The following DENND1B variants were observed in gnomAD, a reference collection of about 807,000 sequenced individuals.
DENND1B encodes DENN domain containing 1B, also known as DENN domain-containing protein 1B.
DENND1B carries 59 observed loss-of-function variants against 90.1 expected under a neutral mutation model. The observed-to-expected ratio is 0.65, with a 90% CI of 0.53 to 0.81. DENND1B has a LOEUF of 0.81. Among genes scored for constraint, DENND1B ranks in the 40% least tolerant of loss-of-function variants. The pLI, the probability that DENND1B is intolerant of heterozygous loss-of-function variation, is 0.00. For missense variants in DENND1B, 862 were observed against 912.6 expected (o/e 0.94, Z 0.71); for synonymous variants, 337 against 324.6 (o/e 1.04, Z -0.41).
intron 14 of DENND1B, 39 bp from the exon 15 acceptor site, chr1:197,583,292 GT>G: frequency 6.3e-7 from 1 of 1,589,862 alleles, no homozygotes; most frequent in Non-Finnish European, 8.6e-7. Flanking sequence ...TCAATAAAAG[GT>G]TAGTCAGAGA....
intron 15 of DENND1B, among the ~76,000 whole-genome samples, chr1:197,557,819 C>T (rs978949466): frequency 1.3e-5 from 2 of 151,766 alleles, no homozygotes; most frequent in Non-Finnish European, 2.9e-5. Context: ...GGTTATACCA[C>T]TTTAATAACT....
At chr1:197,568,202 T>C (rs1217820797) in intron 15 of DENND1B, among the ~76,000 whole-genome samples, 1 of 152,108 alleles carries the variant, frequency 6.6e-6, no homozygotes, top group African/African-American at 2.4e-5. Context: ...GTAGCATTTG[T>C]ATACATTAAT....
At chr1:197,583,506 CTAAAAA>C (rs1033837512) in intron 14 of DENND1B, among the ~76,000 whole-genome samples, 1 of 152,076 alleles carries the variant, frequency 6.6e-6, no homozygotes, top group African/African-American at 2.4e-5. Context: ...AGTAAATCCC[CTAAAAA>C]TAAAGATTTG....
At chr1:197,552,460 T>G (rs1200321361) in intron 16 of DENND1B, 3 of 985,262 alleles carry the variant, frequency 3.0e-6, no homozygotes, top group Non-Finnish European at 3.6e-6. Context: ...ATAACAGTAT[T>G]TGAACATTTA....
chr1:197,718,639 A>G (rs1660869061), intron 2 of DENND1B, among the ~76,000 whole-genome samples: 1 of 152,110 alleles, frequency 6.6e-6, no homozygotes, highest in Non-Finnish European at 1.5e-5. Flanking sequence ...AGGAAATATA[A>G]TTTAGAGAGT....
intron 10 of DENND1B, among the ~76,000 whole-genome samples, chr1:197,629,527 T>C (rs1214456803): frequency 1.7e-5 from 1 of 57,222 alleles, no homozygotes; most frequent in African/African-American, 7.2e-5. Flanking sequence ...GGGACTGTTG[T>C]GGGGTCGGGG....
intron 10 of DENND1B, among the ~76,000 whole-genome samples, chr1:197,628,919 T>A (rs903774289): frequency 6.6e-5 from 10 of 151,806 alleles, no homozygotes; most frequent in African/African-American, 2.4e-4. Context: ...AAAAAACACA[T>A]GAAAAAATGC....
chr1:197,539,761 A>G (rs1670191700), intron 20 of DENND1B, among the ~76,000 whole-genome samples: 1 of 152,182 alleles, frequency 6.6e-6, no homozygotes, highest in African/African-American at 2.4e-5. Context: ...GGGCTAACAA[A>G]GCATGTAGAG....
chr1:197,544,856 GA>G (rs1670622387), intron 18 of DENND1B, among the ~76,000 whole-genome samples: 2 of 126,960 alleles, frequency 1.6e-5, no homozygotes, highest in Non-Finnish European at 3.5e-5. Flanking sequence ...AGAGGAAGAA[GA>G]GGAAGGAGGA....
chr1:197,656,355 G>A (rs1653824140), intron 6 of DENND1B, among the ~76,000 whole-genome samples: 1 of 152,034 alleles, frequency 6.6e-6, no homozygotes, highest in Non-Finnish European at 1.5e-5. Context: ...TGTCAAGAGT[G>A]ACAGAGTACC....
In DENND1B at chr1:197,510,628, C is replaced by T. The variant is rs1260546004; in HGVS notation, c.2160G>A (p.Gly720=). Reference sequence around the variant, plus strand: ...AAGGAACAAAAGTCGATGAATGCCGCCCAAGACCGGGTATAAGCAGATCAT... The same window carrying T: ...AAGGAACAAAAGTCGATGAATGCCGTCCAAGACCGGGTATAAGCAGATCAT... The part of the protein sequence containing the change: ...ISDDLLIPGL[G]RHSSTFVPWE... The change falls in exon 23 of 23, where the codon GGG becomes GGA. Residue 720 remains glycine (G), a synonymous_variant. Coordinates refer to ENST00000620048, the MANE Select transcript of DENND1B (RefSeq NM_001195215.2). The T allele has an allele frequency of 1.6e-5, 25 of 1,612,798 alleles. No homozygotes were observed. Among genetic ancestry groups the T allele is most frequent in the Non-Finnish European group, 1.8e-5 (21 of 1,179,246 alleles).
chr1:197,529,293 T>C (rs954977034), intron 20 of DENND1B, among the ~76,000 whole-genome samples: 1 of 146,882 alleles, frequency 6.8e-6, no homozygotes, highest in Non-Finnish European at 1.5e-5. Context: ...TATATATATG[T>C]ATATATGTGT....
At chr1:197,735,196 C>T in intron 2 of DENND1B, 1 of 1,022,706 alleles carries the variant, frequency 9.8e-7, no homozygotes. Flanking sequence ...GTCCAACATG[C>T]CTACCATTGA....
At chr1:197,619,841 C>T (rs531995984) in intron 10 of DENND1B, among the ~76,000 whole-genome samples, 1 of 151,294 alleles carries the variant, frequency 6.6e-6, no homozygotes, top group East Asian at 2.0e-4. Context: ...CACAAAATTT[C>T]TGCAATGGCC....
At chr1:197,661,683 T>C (rs1234059828) in intron 5 of DENND1B, among the ~76,000 whole-genome samples, 4 of 152,078 alleles carry the variant, frequency 2.6e-5, no homozygotes, top group South Asian at 4.1e-4. Context: ...CTATAAAAAC[T>C]ATATACATAA....
At chr1:197,586,754 C>T (rs762606219) in intron 14 of DENND1B, among the ~76,000 whole-genome samples, 11 of 152,118 alleles carry the variant, frequency 7.2e-5, no homozygotes, top group Non-Finnish European at 1.6e-4. Flanking sequence ...GAAAACAAGA[C>T]GGGGCAGAGG....
At chr1:197,628,661 C>A (rs1222593462) in intron 10 of DENND1B, among the ~76,000 whole-genome samples, 2 of 151,946 alleles carry the variant, frequency 1.3e-5, no homozygotes, top group Non-Finnish European at 2.9e-5. Context: ...GCAACAAAAG[C>A]CAAAATTGAC....
chr1:197,637,517 T>C (rs921805269), intron 10 of DENND1B, among the ~76,000 whole-genome samples: 2 of 152,184 alleles, frequency 1.3e-5, no homozygotes, highest in African/African-American at 2.4e-5. Context: ...AAAACACCTC[T>C]AGTTTTCCTG....
intron 7 of DENND1B, among the ~76,000 whole-genome samples, chr1:197,651,347 T>C (rs143261333): frequency 1.3e-5 from 2 of 152,212 alleles, no homozygotes; most frequent in East Asian, 3.9e-4. Flanking sequence ...TTTTTAGATA[T>C]AGATGGTACA....
Sources: allele counts gnomAD v4.1 joint callset (sites outside exome capture counted in the v4.1 genomes callset), GRCh38; gene constraint gnomAD v4.1.1; transcripts MANE v1.5; gene names NCBI Gene and HGNC (gene_info 2026-07-23, HGNC 2026-07-21).